Variants in ANKS1B observed in about 807,000 individuals in gnomAD.
ANKS1B encodes the protein ankyrin repeat and sterile alpha motif domain containing 1B, also known as ankyrin repeat and sterile alpha motif domain-containing protein 1B.
In ANKS1B, 36 loss-of-function variants were observed where a neutral mutation model predicts 148.3. That is an observed-to-expected ratio of 0.24 (90% confidence interval 0.19 to 0.32). ANKS1B has a LOEUF of 0.32. Among genes scored for constraint, ANKS1B ranks in the 10% least tolerant of loss-of-function variants. ANKS1B has a pLI of 1.00. For missense variants in ANKS1B, 1,157 were observed against 1,542.6 expected (o/e 0.75, Z 4.19); for synonymous variants, 542 against 560.8 (o/e 0.97, Z 0.47).
At chr12:99,244,452 T>G in intron 13 of ANKS1B, 38 bp from the exon 14 acceptor site, 2 of 1,356,692 alleles carry the variant, frequency 1.5e-6, no homozygotes, top group Non-Finnish European at 2.1e-6. Flanking sequence ...GATTGTTACA[T>G]TCACTTTTAA....
rs138447410 is a variant in ANKS1B, at chr12:99,593,629, C to T, written c.1272+61438G>A. ...TGATCCTTAATTAAAACAATCGAAG[C>T]GATAAAGAAGGAATTATCAAACATA... On this transcript the variant is annotated intron_variant, in intron 9 of 26. Coordinates refer to ENST00000683438, the MANE Select transcript of ANKS1B (RefSeq NM_001352186.2). 8.0e-4 allele frequency among the ~76,000 whole-genome samples: 121 copies of T among 151,924 alleles called. 1 individual carries two copies. In the South Asian group the frequency reaches 0.015, roughly 19 times the overall value.
At chr12:99,031,143 A>G (rs192235120) in intron 17 of ANKS1B, among the ~76,000 whole-genome samples, 1 of 152,316 alleles carries the variant, frequency 6.6e-6, no homozygotes, top group East Asian at 1.9e-4. Flanking sequence ...TGGATACACG[A>G]TTTGAATAAT....
chr12:99,190,770 G>C (rs976211939), intron 14 of ANKS1B, among the ~76,000 whole-genome samples: 1 of 152,098 alleles, frequency 6.6e-6, no homozygotes, highest in African/African-American at 2.4e-5. Flanking sequence ...ATACCATTCA[G>C]GACACAGGCA....
intron 17 of ANKS1B, among the ~76,000 whole-genome samples, chr12:98,897,659 G>A (rs531488771): frequency 1.3e-5 from 2 of 152,242 alleles, no homozygotes; most frequent in African/African-American, 2.4e-5. Context: ...ATAGTATAGG[G>A]ATTTCTCAAA....
At chr12:99,720,479 G>C (rs1302829681) in intron 8 of ANKS1B, among the ~76,000 whole-genome samples, 1 of 152,144 alleles carries the variant, frequency 6.6e-6, no homozygotes, top group African/African-American at 2.4e-5. Flanking sequence ...CAGTTTTTCA[G>C]GCTCTTGGTA....
chr12:99,300,022 C>T (rs1051528564), intron 12 of ANKS1B, among the ~76,000 whole-genome samples: 7 of 152,108 alleles, frequency 4.6e-5, no homozygotes, highest in Admixed American at 2.6e-4. Context: ...TTGGGACAAG[C>T]CACATTGAAT....
chr12:99,952,686 T>A (rs73380117), intron 1 of ANKS1B, among the ~76,000 whole-genome samples: 3,111 of 152,288 alleles, frequency 0.02, 99 homozygotes, highest in African/African-American at 0.071. Context: ...ACTCCCAGTT[T>A]TTGTGGTGCC....
intron 8 of ANKS1B, among the ~76,000 whole-genome samples, chr12:99,705,753 T>G (rs1055901960): frequency 5.9e-5 from 9 of 152,110 alleles, no homozygotes; most frequent in Non-Finnish European, 1.3e-4. Flanking sequence ...ATTGCAAGGT[T>G]GATACCTATC....
At chr12:99,382,716 AAAG>A (rs749562403) in intron 12 of ANKS1B, among the ~76,000 whole-genome samples, 92 of 96,812 alleles carry the variant, frequency 9.5e-4, no homozygotes, top group Middle Eastern at 4.5e-3. Context: ...AAAAAAAAAA[AAAG>A]AGAGAGAGAG....
intron 9 of ANKS1B, among the ~76,000 whole-genome samples, chr12:99,653,206 A>G (rs992389208): frequency 2.0e-5 from 3 of 152,204 alleles, no homozygotes; most frequent in African/African-American, 7.2e-5. Context: ...TCAAATTTAG[A>G]AAAAAGCAAA....
intron 14 of ANKS1B, among the ~76,000 whole-genome samples, chr12:99,232,042 C>A (rs557835323): frequency 6.6e-6 from 1 of 152,022 alleles, no homozygotes; most frequent in Non-Finnish European, 1.5e-5. Context: ...CTGTGACCTG[C>A]CCCTCAGATC....
chr12:99,107,237 G>C (rs955725849), intron 15 of ANKS1B, among the ~76,000 whole-genome samples: 1 of 152,034 alleles, frequency 6.6e-6, no homozygotes, highest in East Asian at 1.9e-4. Flanking sequence ...ACTTTTACAC[G>C]TGCCTCTAAG....
At chr12:99,446,369 G>T (rs941612877) in intron 10 of ANKS1B, among the ~76,000 whole-genome samples, 2 of 152,220 alleles carry the variant, frequency 1.3e-5, no homozygotes, top group Non-Finnish European at 2.9e-5. Flanking sequence ...ATTGAAGACT[G>T]AGCAGGGAGT....
At chr12:98,860,269 C>T (rs968124357) in intron 17 of ANKS1B, among the ~76,000 whole-genome samples, 22 of 152,202 alleles carry the variant, frequency 1.4e-4, no homozygotes, top group African/African-American at 5.3e-4. Flanking sequence ...CCACAAATTT[C>T]GCATTGCATG....
chr12:99,304,480 T>G (rs1602626594), intron 12 of ANKS1B, among the ~76,000 whole-genome samples: 1 of 152,096 alleles, frequency 6.6e-6, no homozygotes, highest in Admixed American at 6.6e-5. Flanking sequence ...CTTCTACCGT[T>G]TTCTTTTACT....
At chr12:99,037,601 T>C (rs892531358) in intron 17 of ANKS1B, among the ~76,000 whole-genome samples, 2 of 152,196 alleles carry the variant, frequency 1.3e-5, no homozygotes, top group Admixed American at 6.5e-5. Context: ...GTAGAATACA[T>C]GGCCTTAATG....
At chr12:99,485,835 A>G (rs1167125454) in intron 10 of ANKS1B, among the ~76,000 whole-genome samples, 4 of 152,062 alleles carry the variant, frequency 2.6e-5, no homozygotes, top group Admixed American at 2.6e-4. Context: ...TTTCCACTGC[A>G]TTTTGTAACG....
At chr12:98,748,421 G>A (rs1047906190) in intron 26 of ANKS1B, among the ~76,000 whole-genome samples, 1 of 152,158 alleles carries the variant, frequency 6.6e-6, no homozygotes, top group Non-Finnish European at 1.5e-5. Context: ...CTCAGGAACG[G>A]CCCTCAGGTG....
intron 17 of ANKS1B, chr12:98,894,511 T>A: frequency 1.1e-6 from 1 of 948,248 alleles, no homozygotes. Context: ...CTCCGCAGCC[T>A]TCCCGGCTTG....
Sources: allele counts gnomAD v4.1 joint callset (sites outside exome capture counted in the v4.1 genomes callset), GRCh38; gene constraint gnomAD v4.1.1; transcripts MANE v1.5; gene names NCBI Gene and HGNC (gene_info 2026-07-23, HGNC 2026-07-21).